Variants in APAF1 observed in about 807,000 individuals in gnomAD.
The protein encoded by APAF1 is apoptotic peptidase activating factor 1, also known as apoptotic protease-activating factor 1.
A neutral mutation model predicts 152.4 loss-of-function variants in APAF1; 91 were observed. That is an observed-to-expected ratio of 0.60 (90% confidence interval 0.50 to 0.71). APAF1 has a LOEUF of 0.71. Among genes scored for constraint, APAF1 ranks in the 30% least tolerant of loss-of-function variants. The pLI, the probability that APAF1 is intolerant of heterozygous loss-of-function variation, is 0.00. For synonymous variants in APAF1, 484 were observed against 494.1 expected (o/e 0.98, Z 0.27); for missense variants, 1,283 against 1,472.0 (o/e 0.87, Z 2.10).
intron 14 of APAF1, among the ~76,000 whole-genome samples, chr12:98,680,633 C>T (rs2097691265): frequency 6.6e-6 from 1 of 152,136 alleles, no homozygotes; most frequent in Admixed American, 6.6e-5. Context: ...TCACTGTAAA[C>T]TCCAATTCCT....
rs2153325112 is a variant in APAF1, at chr12:98,683,133, T to C, written c.2047-10T>C. 6.2e-7 allele frequency: 1 copy of C among 1,611,200 alleles called. No individual in the cohort carries two copies. The highest frequency in any genetic ancestry group is 2.2e-5 in the East Asian group (1 of 44,844). On this transcript the variant is annotated splice_polypyrimidine_tract_variant and intron_variant, in intron 14 of 26. Transcript: ENST00000551964. Reference sequence around the variant, plus strand: ...TGGATATTTGTAAATTTTTTCTCTTTTCTCTTTAGATTTGGAATTCTATGA... The same window carrying C: ...TGGATATTTGTAAATTTTTTCTCTTCTCTCTTTAGATTTGGAATTCTATGA...
At chr12:98,720,976 GAA>G (rs71436928) in intron 22 of APAF1, among the ~76,000 whole-genome samples, 1 of 148,066 alleles carries the variant, frequency 6.8e-6, no homozygotes, top group Non-Finnish European at 1.5e-5. Context: ...CAAAAAAAAA[GAA>G]AAAAAAAATT....
At chr12:98,723,785 C>T in intron 24 of APAF1, 21 bp downstream of exon 24, 2 of 1,613,310 alleles carry the variant, frequency 1.2e-6, no homozygotes, top group Non-Finnish European at 1.7e-6. Context: ...CAATTGAAAC[C>T]ATGCATAAAA....
At chr12:98,729,082 C>T (rs2097756063) in intron 26 of APAF1, among the ~76,000 whole-genome samples, 1 of 152,164 alleles carries the variant, frequency 6.6e-6, no homozygotes, top group Non-Finnish European at 1.5e-5. Context: ...GGGTCTGGGA[C>T]ATGCTTTCAT....
In APAF1 at chr12:98,648,705, A is replaced by G. The variant is rs1225484862; in HGVS notation, c.218A>G (p.Asn73Ser). The change falls in exon 3 of 27, where the codon AAT (asparagine) becomes AGT (serine). Residue 73 changes from asparagine (N) to serine (S), a missense_variant. Physicochemically the swap from Asn to Ser is conservative, Grantham distance 46 (BLOSUM62 1). Transcript: ENST00000551964. The part of the protein sequence containing the change: ...KDNDSYVSFY[N>S]ALLHEGYKDL... ...AATGATTCCTACGTATCATTCTACAATGCTCTACTACATGAAGGATATAAA... is the reference window on the plus strand; with the variant it reads ...AATGATTCCTACGTATCATTCTACAGTGCTCTACTACATGAAGGATATAAA... 1.2e-5 allele frequency: 19 copies of G among 1,613,528 alleles called. No homozygotes were observed. Among genetic ancestry groups the G allele is most frequent in the South Asian group, 2.2e-5 (2 of 91,070 alleles).
intron 22 of APAF1, among the ~76,000 whole-genome samples, 162 bp from the exon 23 acceptor site, chr12:98,723,030 CT>C (rs1207318853): frequency 6.6e-6 from 1 of 152,128 alleles, no homozygotes; most frequent in Non-Finnish European, 1.5e-5. Context: ...CAGCTTCTGT[CT>C]GTAAAATGTG....
Position 98,698,634 on chromosome 12 carries a change from C to A in APAF1, c.2305-774C>A, listed in dbSNP as rs2288722. ...AATTAGGTTTTACCTGGGAGTTGTG[C>A]TTTGGAAGCTGACTTAAAGCCTGAG... On this transcript the variant is annotated intron_variant, in intron 16 of 26. Transcript: ENST00000551964. Among the ~76,000 whole-genome samples, 12 of 152,224 alleles carry A rather than the reference C, an allele frequency of 7.9e-5. No individual in the cohort carries two copies. The East Asian group carries it at 2.3e-3, about 29-fold the overall frequency.
Position 98,703,468 on chromosome 12 carries a change from C to CA in APAF1, c.2565dup (p.Val856SerfsTer22), listed in dbSNP as rs761221845. The CA allele has an allele frequency of 1.9e-6, 3 of 1,614,158 alleles. No homozygotes were observed. Among genetic ancestry groups the CA allele is most frequent in the Non-Finnish European group, 1.7e-6 (2 of 1,180,014 alleles). Reference sequence around the variant, plus strand: ...GACTTCTCCCCACAAAACCATTTGGCAGTGGTTGCTTTGTCCCAGTACTGT... The same window carrying CA: ...GACTTCTCCCCACAAAACCATTTGGCAAGTGGTTGCTTTGTCCCAGTACTGT... On this transcript the variant is annotated frameshift_variant, in exon 18 of 27. Transcript: ENST00000551964. LOFTEE classifies it high-confidence loss of function.
At chr12:98,679,486 G>A (rs909121714) in intron 13 of APAF1, among the ~76,000 whole-genome samples, 1 of 152,246 alleles carries the variant, frequency 6.6e-6, no homozygotes, top group Non-Finnish European at 1.5e-5. Context: ...CTTCCTGGTT[G>A]TAGGACAAGA....
At position 98,707,692 on chromosome 12, in the gene APAF1, C is replaced by CTATATATATATATATATATATATA. The variant is rs10668292; in HGVS notation, c.2722-873_2722-872insTATATATATATATATATATATATA. On this transcript the variant is annotated intron_variant, in intron 19 of 26. Transcript: ENST00000551964. ...TATATTCAAGACATTATGCAAAGTA[C>CTATATATATATATATATATATATA]TATATATATATATATATATACATAT... 3.3e-3 allele frequency among the ~76,000 whole-genome samples: 458 copies of CTATATATATATATATATATATATA among 139,410 alleles called. 4 individuals carry two copies. The highest frequency in any genetic ancestry group is 8.3e-3 in the Middle Eastern group (2 of 242). The allele number at this position is 139,410 out of a possible 152,430, so 91.5% of individuals were successfully genotyped here. A position where few individuals can be genotyped will look rare whatever the true frequency, so the allele number is the denominator to read the frequency against.
chr12:98,711,057 G>T (rs1201561344), intron 20 of APAF1, among the ~76,000 whole-genome samples: 1 of 152,170 alleles, frequency 6.6e-6, no homozygotes. Flanking sequence ...GATTTTACAA[G>T]TTTTACTATT....
At chr12:98,701,422 C>T (rs1296095655) in intron 17 of APAF1, among the ~76,000 whole-genome samples, 2 of 152,162 alleles carry the variant, frequency 1.3e-5, no homozygotes, top group African/African-American at 4.8e-5. Flanking sequence ...TGAGGAACCA[C>T]TAGATTTTTC....
At chr12:98,696,043 T>G (rs2097709514) in intron 16 of APAF1, among the ~76,000 whole-genome samples, 1 of 152,218 alleles carries the variant, frequency 6.6e-6, no homozygotes. Flanking sequence ...CCTTGTGGAT[T>G]ATGCCGAGAG....
chr12:98,677,388 T>C, intron 12 of APAF1, 37 bp from the exon 13 acceptor site: 1 of 1,605,252 alleles, frequency 6.2e-7, no homozygotes, highest in East Asian at 2.2e-5. Flanking sequence ...TTTACTCTCA[T>C]TTATTTAATT....
At chr12:98,700,192 C>T (rs1302839458) in intron 17 of APAF1, among the ~76,000 whole-genome samples, 1 of 152,194 alleles carries the variant, frequency 6.6e-6, no homozygotes, top group East Asian at 1.9e-4. Flanking sequence ...TATAAGTATT[C>T]AAGAAGCAGC....
chr12:98,691,616 A>G (rs2097704311), intron 16 of APAF1, among the ~76,000 whole-genome samples: 2 of 152,142 alleles, frequency 1.3e-5, no homozygotes, highest in Admixed American at 1.3e-4. Flanking sequence ...TTTGTAGTCT[A>G]AGGCCCTCTG....
At position 98,678,551 on chromosome 12, in the gene APAF1, C is replaced by T. The variant is rs187756020; in HGVS notation, c.1920+1000C>T. Among the ~76,000 whole-genome samples, 32 of 152,362 alleles carry T rather than the reference C, an allele frequency of 2.1e-4. 1 individual carries two copies. In the East Asian group the frequency reaches 5.6e-3, roughly 27 times the overall value. ...GCTGTAGCCGCCCAAACCACAGCTG[C>T]AGGCTCGGGCCTCCGGCTCCACAGA... On this transcript the variant is annotated intron_variant, in intron 13 of 26. Coordinates refer to ENST00000551964, the MANE Select transcript of APAF1 (RefSeq NM_181861.2).
chr12:98,696,598 A>G (rs1219902558), intron 16 of APAF1, among the ~76,000 whole-genome samples: 3 of 152,074 alleles, frequency 2.0e-5, no homozygotes, highest in Admixed American at 6.6e-5. Flanking sequence ...CCTGAACCCT[A>G]TTTCTTTCAG....
chr12:98,695,358 C>T (rs1379594779), intron 16 of APAF1, among the ~76,000 whole-genome samples: 1 of 149,906 alleles, frequency 6.7e-6, no homozygotes, highest in Non-Finnish European at 1.5e-5. Flanking sequence ...ATGCCGCCCC[C>T]CCCCTTTTTT....
Sources: gnomAD v4.1 joint callset for allele counts (sites outside exome capture counted in the v4.1 genomes callset) on GRCh38, gnomAD v4.1.1 for gene constraint, MANE v1.5 for transcripts, NCBI Gene and HGNC (gene_info 2026-07-23, HGNC 2026-07-21) for gene names.